Variants in PRR5 observed in about 807,000 individuals in gnomAD.
The protein encoded by PRR5 is proline-rich protein 5.
A neutral mutation model predicts 30.6 loss-of-function variants in PRR5; 25 were observed. The observed-to-expected ratio is 0.82, with a 90% CI of 0.60 to 1.14. The LOEUF (loss-of-function observed/expected upper bound fraction) is 1.14, where lower values mean the gene tolerates loss of function less well. Among genes scored for constraint, PRR5 ranks in the 50% most tolerant of loss-of-function variants. The pLI is 0.00. For synonymous variants in PRR5, 286 were observed against 247.1 expected (o/e 1.16, Z -1.48); for missense variants, 600 against 547.1 (o/e 1.10, Z -0.96).
intron 2 of PRR5, among the ~76,000 whole-genome samples, chr22:44,715,318 A>G (rs534326003): frequency 6.6e-6 from 1 of 152,238 alleles, no homozygotes; most frequent in African/African-American, 2.4e-5. Context: ...GCTCTGTGCT[A>G]TTTCCTTTGG....
intron 1 of PRR5, among the ~76,000 whole-genome samples, chr22:44,708,792 C>T (rs113072531): frequency 0.091 from 13,763 of 151,750 alleles, 990 homozygotes; most frequent in African/African-American, 0.2. Context: ...CATGGTGAAA[C>T]CCCGTCTCTA....
intron 6 of PRR5, among the ~76,000 whole-genome samples, chr22:44,732,753 C>A (rs1387742448): frequency 7.0e-6 from 1 of 143,546 alleles, no homozygotes; most frequent in South Asian, 2.1e-4. Context: ...CACGTGTGCA[C>A]GCACACGCTA....
chr22:44,731,234 G>GAAAA, intron 4 of PRR5: 1 of 227,142 alleles, frequency 4.4e-6, no homozygotes, highest in Non-Finnish European at 8.9e-6. Context: ...GTACCTGTGT[G>GAAAA]GGTCTTACCT....
At chr22:44,729,877 G>A (rs3788611) in intron 4 of PRR5, 153,716 of 985,416 alleles carry the variant, frequency 0.16, 12,382 homozygotes, top group East Asian at 0.19. Context: ...CGGCCAGCCC[G>A]GGAACTGAGC....
At chr22:44,690,251 C>A (rs975639419) in intron 1 of PRR5, among the ~76,000 whole-genome samples, 9 of 152,164 alleles carry the variant, frequency 5.9e-5, no homozygotes, top group Non-Finnish European at 1.2e-4. Context: ...TCTGTGTGGG[C>A]AGGTGAATGT....
chr22:44,723,662 G>A (rs555532068), intron 2 of PRR5, among the ~76,000 whole-genome samples: 1 of 152,330 alleles, frequency 6.6e-6, no homozygotes, highest in South Asian at 2.1e-4. Flanking sequence ...GGAGGTTGCA[G>A]TGAGCCAAGA....
At chr22:44,680,726 A>AC (rs200764488) in intron 1 of PRR5, among the ~76,000 whole-genome samples, 5 of 149,212 alleles carry the variant, frequency 3.4e-5, no homozygotes, top group Admixed American at 6.8e-5. Flanking sequence ...CTGGCCTGAG[A>AC]CCCCCCCACA....
chr22:44,714,720 G>T, intron 2 of PRR5, 49 bp downstream of exon 2: 1 of 1,606,944 alleles, frequency 6.2e-7, no homozygotes. Context: ...GGCAGGGAGG[G>T]CTAGGCCCAG....
intron 7 of PRR5, among the ~76,000 whole-genome samples, chr22:44,735,842 C>T (rs965979471): frequency 6.6e-6 from 1 of 152,246 alleles, no homozygotes; most frequent in Non-Finnish European, 1.5e-5. Context: ...CCCGTCCCCA[C>T]CTGCTGGTGT....
At chr22:44,687,661 C>A (rs1404772797) in intron 1 of PRR5, among the ~76,000 whole-genome samples, 1 of 152,242 alleles carries the variant, frequency 6.6e-6, no homozygotes. Context: ...TCCCAGCATC[C>A]TGCTTGCTCC....
chr22:44,695,117 G>A (rs977267080), intron 1 of PRR5, among the ~76,000 whole-genome samples: 2 of 152,154 alleles, frequency 1.3e-5, no homozygotes, highest in African/African-American at 4.8e-5. Context: ...GTTGCAGTGA[G>A]CCAAGATCGT....
At chr22:44,720,521 A>G (rs914651621) in intron 2 of PRR5, among the ~76,000 whole-genome samples, 1 of 152,190 alleles carries the variant, frequency 6.6e-6, no homozygotes, top group Admixed American at 6.5e-5. Flanking sequence ...CTCACAGGTC[A>G]GGAATGAGGG....
intron 1 of PRR5, among the ~76,000 whole-genome samples, chr22:44,686,207 C>T (rs1240402370): frequency 6.6e-6 from 1 of 151,990 alleles, no homozygotes; most frequent in Non-Finnish European, 1.5e-5. Context: ...GCTGAGATCG[C>T]ACCACTGCAC....
In PRR5 at chr22:44,690,850, G is replaced by A. The variant is rs188620792; in HGVS notation, c.-10-11642G>A. On this transcript the variant is annotated intron_variant, in intron 1 of 8. Transcript: ENST00000006251. Reference sequence around the variant, plus strand: ...GGCACTTTGTCTCCTGGTTCGGGGGGTGGCGGGAGAGGGGCCTGGCAGGGC... The same window carrying A: ...GGCACTTTGTCTCCTGGTTCGGGGGATGGCGGGAGAGGGGCCTGGCAGGGC... Among the ~76,000 whole-genome samples the A allele has an allele frequency of 8.0e-4, 122 of 152,228 alleles. 2 individuals carry two copies. In the East Asian group the frequency reaches 0.021, roughly 27 times the overall value.
intron 4 of PRR5, among the ~76,000 whole-genome samples, chr22:44,727,275 G>C (rs559640338): frequency 1.3e-5 from 2 of 152,092 alleles, no homozygotes; most frequent in Admixed American, 6.5e-5. Flanking sequence ...TCCCGTGGCC[G>C]AGAGCCTCGG....
rs1440106661 is a variant in PRR5, at chr22:44,702,563, G to A, written c.89G>A (p.Arg30Gln). 2.1e-6 allele frequency: 3 copies of A among 1,431,870 alleles called. No individual in the cohort carries two copies. The highest frequency in any genetic ancestry group is 2.7e-6 in the Non-Finnish European group (3 of 1,091,202). The allele number at this position is 1,431,870 out of a possible 1,614,324, so 88.7% of individuals were successfully genotyped here. A position where few individuals can be genotyped will look rare whatever the true frequency, so the allele number is the denominator to read the frequency against. The change falls in exon 1 of 8, where the codon CGG becomes CAG. Residue 30 changes from arginine (R) to glutamine (Q), a missense_variant. Physicochemically the swap from Arg to Gln is conservative, Grantham distance 43 (BLOSUM62 1). Coordinates refer to ENST00000336985, the MANE Select transcript of PRR5 (RefSeq NM_181333.4). ...KREPAAAADE[R>Q]GTQQRRACAN... ...GAGCCGGCCGCCGCCGCGGACGAGC[G>A]GGGCACGCAGCAGCGCCGGGCCTGC...
chr22:44,734,830 CAG>C (rs1922898334), intron 6 of PRR5, 195 bp from the exon 7 acceptor site: 1 of 696,918 alleles, frequency 1.4e-6, no homozygotes, highest in African/African-American at 1.8e-5. Flanking sequence ...CTGTGAGCAG[CAG>C]AGTGACTCAG....
At chr22:44,679,850 G>C (rs752431281) in intron 1 of PRR5, 1 of 1,598,220 alleles carries the variant, frequency 6.3e-7, no homozygotes, top group Non-Finnish European at 8.5e-7. Context: ...CGGGAAGCCC[G>C]GAAAAGATGC....
chr22:44,707,481 G>T (rs2147037122), intron 1 of PRR5, among the ~76,000 whole-genome samples: 1 of 152,322 alleles, frequency 6.6e-6, no homozygotes, highest in Non-Finnish European at 1.5e-5. Context: ...GCCCTTGGCG[G>T]GCTCTGTGCT....
Sources: allele counts gnomAD v4.1 joint callset (sites outside exome capture counted in the v4.1 genomes callset), GRCh38; gene constraint gnomAD v4.1.1; transcripts MANE v1.5; gene names NCBI Gene and HGNC (gene_info 2026-07-23, HGNC 2026-07-21).